Variants in CASP9 observed in about 807,000 individuals in gnomAD.
CASP9 encodes the protein caspase 9, also known as caspase-9.
In CASP9, 29 loss-of-function variants were observed where a neutral mutation model predicts 43.5. The ratio of observed to expected loss-of-function variants is 0.67; its 90% CI spans 0.50 to 0.91. CASP9 has a LOEUF of 0.91. Among genes scored for constraint, CASP9 ranks in the 40% least tolerant of loss-of-function variants. The pLI, the probability that CASP9 is intolerant of heterozygous loss-of-function variation, is 0.00. For missense variants in CASP9, 575 were observed against 537.4 expected (o/e 1.07, Z -0.69); for synonymous variants, 206 against 211.9 (o/e 0.97, Z 0.24).
upstream of CASP9, chr1:15,524,403 C>A: frequency 7.4e-7 from 1 of 1,358,650 alleles, no homozygotes; most frequent in Non-Finnish European, 9.4e-7. Context: ...ACCGCCCCGC[C>A]CTCAGGACGC....
At chr1:15,515,452 T>C (rs1374890194) in intron 2 of CASP9, among the ~76,000 whole-genome samples, 1 of 152,128 alleles carries the variant, frequency 6.6e-6, no homozygotes, top group East Asian at 1.9e-4. Flanking sequence ...CAGGCACCCA[T>C]GAAACAGGAA....
chr1:15,521,060 GGGA>G (rs1255744856), intron 1 of CASP9, among the ~76,000 whole-genome samples: 1 of 151,710 alleles, frequency 6.6e-6, no homozygotes, highest in Non-Finnish European at 1.5e-5. Flanking sequence ...GGGAGGCTGA[GGGA>G]GGAGAATGGC....
At chr1:15,524,599 G>A (rs1570886376), upstream of CASP9, 3 of 830,726 alleles carry the variant, frequency 3.6e-6, no homozygotes, top group Non-Finnish European at 4.2e-6. Context: ...TCACCGCCCC[G>A]CCCCCGCGTT....
chr1:15,493,195 C>A (rs1216267709), intron 8 of CASP9, 160 bp from the exon 9 acceptor site: 2 of 1,427,084 alleles, frequency 1.4e-6, no homozygotes, highest in African/African-American at 1.4e-5. Context: ...CGCACCTCAA[C>A]TTTACCTTTA....
chr1:15,492,810 G>T lies in CASP9; in HGVS notation c.*133C>A. ...AGCTGCTAAGAGCCTGTCTGTCACT[G>T]GCAGAGAAAGAGCAGACCCTGTGCC... On this transcript the variant is annotated 3_prime_UTR_variant, in exon 9 of 9. Transcript: ENST00000333868. The T allele has an allele frequency of 8.0e-7, 1 of 1,250,222 alleles. No homozygotes were observed. Among genetic ancestry groups the T allele is most frequent in the Non-Finnish European group, 1.1e-6 (1 of 903,544 alleles). The allele number at this position is 1,250,222 out of a possible 1,614,324, so 77.4% of individuals were successfully genotyped here.
chr1:15,493,643 G>A (rs1305047029), intron 8 of CASP9: 1 of 1,443,538 alleles, frequency 6.9e-7, no homozygotes, highest in Non-Finnish European at 9.1e-7. Flanking sequence ...AGGAGCGGGA[G>A]GTGTCAACCT....
chr1:15,501,368 A>G (rs2103339154), intron 6 of CASP9, among the ~76,000 whole-genome samples: 1 of 152,160 alleles, frequency 6.6e-6, no homozygotes, highest in African/African-American at 2.4e-5. Context: ...TAAAATTATT[A>G]TTTAAAAATG....
At chr1:15,493,213 CA>C in intron 8 of CASP9, 178 bp from the exon 9 acceptor site, 6 of 1,407,396 alleles carry the variant, frequency 4.3e-6, no homozygotes, top group African/African-American at 1.4e-5. Flanking sequence ...TTAAAAAACT[CA>C]AAATTCAAAA....
Position 15,505,984 on chromosome 1 carries a change from T to C in CASP9, c.720+6A>G. ...CCTGCCCAGGGAACAGTGGGAGGCTTCCTACCTGACAGCCGTGAGAGAGAA... is the reference window on the plus strand; with the variant it reads ...CCTGCCCAGGGAACAGTGGGAGGCTCCCTACCTGACAGCCGTGAGAGAGAA... On this transcript the variant is annotated splice_donor_region_variant and intron_variant, in intron 5 of 8. Transcript: ENST00000333868. 6.2e-7 allele frequency: 1 copy of C among 1,612,272 alleles called. No homozygotes were observed. The highest frequency in any genetic ancestry group is 8.5e-7 in the Non-Finnish European group (1 of 1,178,300).
intron 2 of CASP9, among the ~76,000 whole-genome samples, chr1:15,517,166 T>C (rs1300254307): frequency 6.6e-6 from 1 of 152,100 alleles, no homozygotes; most frequent in African/African-American, 2.4e-5. Flanking sequence ...AAGCCCCAAC[T>C]GAAAACAACC....
chr1:15,495,105 G>C lies in CASP9; in HGVS notation c.1048+168C>G, dbSNP rs76312476. ...CTCCTTGCAGCGCGCATCCTTGCCC[G>C]CTCAGCCTGAGCCGAGGCTCAGAGA... On this transcript the variant is annotated intron_variant, in intron 7 of 8. Transcript: ENST00000333868. Among the ~76,000 whole-genome samples, 6 of 152,012 alleles carry C rather than the reference G, an allele frequency of 3.9e-5. No individual in the cohort carries two copies. In the East Asian group the frequency reaches 1.2e-3, roughly 30 times the overall value.
intron 2 of CASP9, among the ~76,000 whole-genome samples, chr1:15,512,399 C>T (rs948471465): frequency 7.2e-5 from 11 of 152,178 alleles, no homozygotes; most frequent in African/African-American, 1.9e-4. Context: ...GCGTCCAATC[C>T]GTCAAGGGCC....
intron 7 of CASP9, among the ~76,000 whole-genome samples, chr1:15,494,543 C>T (rs1278325125): frequency 7.9e-5 from 11 of 138,762 alleles, no homozygotes; most frequent in Admixed American, 2.3e-4. Flanking sequence ...CCAGCCTGGG[C>T]GACAAAGCAA....
intron 1 of CASP9, among the ~76,000 whole-genome samples, chr1:15,521,322 C>T (rs1481703682): frequency 1.3e-5 from 2 of 151,038 alleles, no homozygotes; most frequent in African/African-American, 4.9e-5. Flanking sequence ...CGTCAGGGAG[C>T]ACTCTGCTCC....
chr1:15,502,421 G>C (rs1467741457), intron 6 of CASP9, among the ~76,000 whole-genome samples: 5 of 152,206 alleles, frequency 3.3e-5, no homozygotes, highest in African/African-American at 7.2e-5. Flanking sequence ...AACAGTTCAA[G>C]ACTAGCCTGG....
At chr1:15,506,614 C>A (rs909463078) in intron 4 of CASP9, among the ~76,000 whole-genome samples, 1 of 152,172 alleles carries the variant, frequency 6.6e-6, no homozygotes, top group Non-Finnish European at 1.5e-5. Flanking sequence ...GGGCACTGTT[C>A]ATCTAACCCC....
upstream of CASP9, chr1:15,524,349 C>T (rs1414130160): frequency 5.7e-6 from 8 of 1,412,324 alleles, no homozygotes; most frequent in Non-Finnish European, 7.3e-6. Context: ...CCTCCGGACG[C>T]ATCTCCAAGG....
chr1:15,518,643 C>A (rs897228597), intron 1 of CASP9, among the ~76,000 whole-genome samples: 4 of 152,194 alleles, frequency 2.6e-5, no homozygotes, highest in African/African-American at 9.6e-5. Flanking sequence ...CCTTAAGGAG[C>A]AAATTTCTAA....
chr1:15,494,017 G>A lies in CASP9; in HGVS notation c.1049-16C>T. 2 of 1,565,204 alleles carry A rather than the reference G, an allele frequency of 1.3e-6. No homozygotes were observed. The highest frequency in any genetic ancestry group is 1.7e-6 in the Non-Finnish European group (2 of 1,156,792). On this transcript the variant is annotated splice_polypyrimidine_tract_variant and intron_variant, in intron 7 of 8. Coordinates refer to ENST00000333868, the MANE Select transcript of CASP9 (RefSeq NM_001229.5). The stretch of plus-strand genomic sequence containing the variant: ...GAAACAAAACCTTTGGAGGGAGGAG[G>A]GCTGAACACTGCTGGAGAGCCACCC...
Sources: gnomAD v4.1 joint callset for allele counts (sites outside exome capture counted in the v4.1 genomes callset) on GRCh38, gnomAD v4.1.1 for gene constraint, MANE v1.5 for transcripts, NCBI Gene and HGNC (gene_info 2026-07-23, HGNC 2026-07-21) for gene names.